DAB1: variants seen among roughly 807,000 people sequenced by gnomAD.
DAB1 encodes disabled homolog 1.
DAB1 carries 15 observed loss-of-function variants against 64.6 expected under a neutral mutation model. The observed-to-expected ratio is 0.23, with a 90% CI of 0.16 to 0.36. The LOEUF (loss-of-function observed/expected upper bound fraction) is 0.36. DAB1 is among the 10% of genes least tolerant of loss of function. DAB1 has a pLI of 1.00. For missense variants in DAB1, 596 were observed against 706.7 expected (o/e 0.84, Z 1.78); for synonymous variants, 235 against 251.9 (o/e 0.93, Z 0.64).
chr1:57,194,331 G>A (rs1664436639), intron 2 of DAB1, among the ~76,000 whole-genome samples: 1 of 152,182 alleles, frequency 6.6e-6, no homozygotes, highest in South Asian at 2.1e-4. Flanking sequence ...TTTAATGGAT[G>A]TTCCTGTTTA....
chr1:57,543,033 C>T (rs1644820588), intron 7 of DAB1, among the ~76,000 whole-genome samples: 1 of 152,118 alleles, frequency 6.6e-6, no homozygotes, highest in East Asian at 1.9e-4. Context: ...AGCTTGGAGG[C>T]ATATCCTTTA....
chr1:57,932,227 C>T (rs996429920), intron 5 of DAB1, among the ~76,000 whole-genome samples: 12 of 151,966 alleles, frequency 7.9e-5, no homozygotes, highest in African/African-American at 1.9e-4. Context: ...CTTTTAAATT[C>T]GTTAAAGTTT....
At chr1:58,257,629 G>A (rs1660962260) in intron 4 of DAB1, among the ~76,000 whole-genome samples, 1 of 152,108 alleles carries the variant, frequency 6.6e-6, no homozygotes, top group African/African-American at 2.4e-5. Context: ...TCCCCACTAA[G>A]GTCATTAAAA....
intron 1 of DAB1, among the ~76,000 whole-genome samples, chr1:57,406,288 C>T (rs977157329): frequency 6.6e-6 from 1 of 152,222 alleles, no homozygotes. Context: ...TACTTAGATA[C>T]TAACCCTCCC....
intron 7 of DAB1, among the ~76,000 whole-genome samples, chr1:57,522,470 C>T (rs1644539489): frequency 6.6e-6 from 1 of 152,140 alleles, no homozygotes; most frequent in Non-Finnish European, 1.5e-5. Flanking sequence ...TTTGTTCTCA[C>T]ACTGCTAATA....
At chr1:58,233,663 C>T (rs1659886983) in intron 4 of DAB1, among the ~76,000 whole-genome samples, 1 of 152,164 alleles carries the variant, frequency 6.6e-6, no homozygotes, top group Non-Finnish European at 1.5e-5. Flanking sequence ...TCAAGGTCAC[C>T]TGGCTAGCAA....
At chr1:58,218,796 C>T (rs1442985524) in intron 4 of DAB1, among the ~76,000 whole-genome samples, 3 of 152,176 alleles carry the variant, frequency 2.0e-5, no homozygotes, top group Admixed American at 2.0e-4. Flanking sequence ...GCATTTTACT[C>T]ACAGAGAGAA....
intron 2 of DAB1, among the ~76,000 whole-genome samples, chr1:58,512,236 A>T (rs890140788): frequency 1.1e-4 from 16 of 152,194 alleles, no homozygotes; most frequent in Admixed American, 2.0e-4. Flanking sequence ...TCTATCATTG[A>T]AAAAAAGAGA....
chr1:57,990,467 A>T (rs1367135286), intron 5 of DAB1, among the ~76,000 whole-genome samples: 1 of 152,208 alleles, frequency 6.6e-6, no homozygotes, highest in Non-Finnish European at 1.5e-5. Flanking sequence ...TCTCACATAC[A>T]TACACTGTTT....
intron 4 of DAB1, among the ~76,000 whole-genome samples, chr1:58,201,167 C>G (rs976412268): frequency 2.0e-5 from 3 of 152,042 alleles, no homozygotes; most frequent in Admixed American, 1.3e-4. Flanking sequence ...CAGGTGCCCG[C>G]CACCACACCT....
intron 2 of DAB1, among the ~76,000 whole-genome samples, chr1:57,256,538 A>G (rs575236805): frequency 1.3e-4 from 20 of 150,678 alleles, no homozygotes; most frequent in Non-Finnish European, 2.4e-4. Flanking sequence ...GCTCAGATAC[A>G]CAAAGAGTCC....
At chr1:57,303,652 T>C (rs764461744) in intron 1 of DAB1, among the ~76,000 whole-genome samples, 4 of 150,998 alleles carry the variant, frequency 2.6e-5, no homozygotes, top group Non-Finnish European at 5.9e-5. Context: ...CAGAAGCCAC[T>C]AGGTAGAAAA....
At chr1:57,346,319 A>G (rs1006429642) in intron 1 of DAB1, among the ~76,000 whole-genome samples, 1 of 152,236 alleles carries the variant, frequency 6.6e-6, no homozygotes, top group African/African-American at 2.4e-5. Flanking sequence ...CAAGCCTTCT[A>G]CACATTTTAC....
intron 1 of DAB1, among the ~76,000 whole-genome samples, chr1:57,294,984 C>T (rs1212619278): frequency 6.6e-6 from 1 of 152,130 alleles, no homozygotes; most frequent in Non-Finnish European, 1.5e-5. Context: ...AAATATGTTG[C>T]ATACTGTATG....
chr1:57,288,885 C>T (rs1415977511), intron 2 of DAB1, among the ~76,000 whole-genome samples: 5 of 152,038 alleles, frequency 3.3e-5, no homozygotes, highest in African/African-American at 7.2e-5. Context: ...TTTTATTTGC[C>T]TTATTTTCAT....
intron 7 of DAB1, among the ~76,000 whole-genome samples, chr1:57,516,938 A>T (rs1462510772): frequency 6.6e-6 from 1 of 152,248 alleles, no homozygotes; most frequent in East Asian, 1.9e-4. Context: ...GGTAATAGCA[A>T]GATAAATGAG....
chr1:57,394,566 C>T (rs1417761445), intron 1 of DAB1, among the ~76,000 whole-genome samples: 6 of 152,196 alleles, frequency 3.9e-5, no homozygotes, highest in Non-Finnish European at 7.3e-5. Flanking sequence ...GAAGGAAATG[C>T]TTCTGAATGA....
chr1:57,265,431 C>A (rs1352652749), intron 2 of DAB1, among the ~76,000 whole-genome samples: 2 of 152,188 alleles, frequency 1.3e-5, no homozygotes, highest in African/African-American at 4.8e-5. Context: ...CTCTTTCCCC[C>A]TCCCTGTTCT....
chr1:57,444,494 T>C (rs1349972728), intron 7 of DAB1, among the ~76,000 whole-genome samples: 1 of 152,204 alleles, frequency 6.6e-6, no homozygotes, highest in African/African-American at 2.4e-5. Context: ...ATTGACTATG[T>C]CCTAATCCCT....
Sources: gnomAD v4.1 joint callset for allele counts (sites outside exome capture counted in the v4.1 genomes callset) on GRCh38, gnomAD v4.1.1 for gene constraint, MANE v1.5 for transcripts, NCBI Gene and HGNC (gene_info 2026-07-23, HGNC 2026-07-21) for gene names.